The following TBCEL variants were observed in gnomAD, a reference collection of about 807,000 sequenced individuals.
TBCEL encodes the protein tubulin folding cofactor E like, also known as tubulin-specific chaperone cofactor E-like protein.
TBCEL carries 15 observed loss-of-function variants against 44.2 expected under a neutral mutation model. The observed-to-expected ratio is 0.34, with a 90% confidence interval of 0.23 to 0.52. The LOEUF is 0.52. Ranked by LOEUF, TBCEL falls within the 20% of genes least tolerant of loss-of-function variation. The pLI, the probability that TBCEL is intolerant of heterozygous loss-of-function variation, is 0.95. For missense variants in TBCEL, 319 were observed against 506.3 expected (o/e 0.63, Z 3.55); for synonymous variants, 171 against 185.4 (o/e 0.92, Z 0.63).
chr11:121,027,962 T>C (rs1758672258), intron 1 of TBCEL, among the ~76,000 whole-genome samples: 1 of 152,046 alleles, frequency 6.6e-6, no homozygotes, highest in Admixed American at 6.5e-5. Context: ...ATCCCAGCAC[T>C]TTGGGAGGCC....
intron 8 of TBCEL, among the ~76,000 whole-genome samples, chr11:121,080,585 A>C (rs1170618926): frequency 6.6e-6 from 1 of 152,234 alleles, no homozygotes; most frequent in Non-Finnish European, 1.5e-5. Flanking sequence ...AAAATTATGT[A>C]AAATATATAC....
chr11:121,065,767 C>T (rs542684257), intron 8 of TBCEL, among the ~76,000 whole-genome samples: 11 of 152,320 alleles, frequency 7.2e-5, no homozygotes, highest in East Asian at 3.9e-4. Context: ...CTTTTCTCAA[C>T]AGCACTCTCT....
At chr11:121,039,661 G>T (rs570235742) in intron 2 of TBCEL, among the ~76,000 whole-genome samples, 116 of 152,332 alleles carry the variant, frequency 7.6e-4, no homozygotes, top group African/African-American at 2.7e-3. Flanking sequence ...TGTATTTGTT[G>T]TCTGCATTTT....
In TBCEL at chr11:121,087,443, A is replaced by T. The variant is rs993711677; in HGVS notation, c.*347A>T. Reference sequence around the variant, plus strand: ...TGGGTGAACCTGTGAAGATAACATGAACACTGTAGCCCCTTAGAAGGGTCT... The same window carrying T: ...TGGGTGAACCTGTGAAGATAACATGTACACTGTAGCCCCTTAGAAGGGTCT... On this transcript the variant is annotated 3_prime_UTR_variant, in exon 9 of 9. Transcript: ENST00000683345. 2 of 279,500 alleles carry T rather than the reference A, an allele frequency of 7.2e-6. No homozygotes were observed. The highest frequency in any genetic ancestry group is 1.4e-5 in the Non-Finnish European group (2 of 146,708). 17.3% of individuals were successfully genotyped at this position (279,500 alleles called of 1,614,324 possible). A position where few individuals can be genotyped will look rare whatever the true frequency, so the allele number is the denominator to read the frequency against.
chr11:121,051,976 T>C (rs1591394570), intron 4 of TBCEL, among the ~76,000 whole-genome samples: 1 of 151,938 alleles, frequency 6.6e-6, no homozygotes, highest in East Asian at 1.9e-4. Flanking sequence ...CTGGATACTC[T>C]TTTGGCATTA....
At position 121,089,544 on chromosome 11, in the gene TBCEL, C is replaced by CT. The variant is rs1946262614; in HGVS notation, c.*2450dup. 6.6e-6 allele frequency: 1 copy of CT among 152,124 alleles called. No individual in the cohort carries two copies. Among genetic ancestry groups the CT allele is most frequent in the African/African-American group, 2.4e-5 (1 of 41,442 alleles). 9.4% of individuals were successfully genotyped at this position (152,124 alleles called of 1,614,324 possible). A position where few individuals can be genotyped will look rare whatever the true frequency, so the allele number is the denominator to read the frequency against. On this transcript the variant is annotated 3_prime_UTR_variant, in exon 9 of 9. Coordinates refer to ENST00000683345, the MANE Select transcript of TBCEL (RefSeq NM_001363644.2). ...GAAAAAGGCTATTTGAGCATGTGTA[C>CT]TTATAGATTCATTTGGGTGGCTGAG...
chr11:121,083,457 A>G lies in TBCEL; in HGVS notation c.957-3321A>G, dbSNP rs560673452. The stretch of plus-strand genomic sequence containing the variant: ...AAGAGAACACAGCTGGGGAGTGGCA[A>G]TTATTTTTGAACCTATTGATTTTGA... On this transcript the variant is annotated intron_variant, in intron 8 of 8. Transcript: ENST00000683345. Among the ~76,000 whole-genome samples the G allele has an allele frequency of 2.0e-4, 31 of 152,320 alleles. 1 individual carries two copies. In the South Asian group the frequency reaches 6.0e-3, roughly 30 times the overall value.
rs1043081364 is a variant in TBCEL at position 121,088,936 on chromosome 11, T to C, written c.*1840T>C. The C allele has an allele frequency of 3.3e-5, 5 of 152,144 alleles. No homozygotes were observed. The highest frequency in any genetic ancestry group is 7.4e-5 in the Non-Finnish European group (5 of 68,010). 9.4% of individuals were successfully genotyped at this position (152,144 alleles called of 1,614,324 possible). A position where few individuals can be genotyped will look rare whatever the true frequency, so the allele number is the denominator to read the frequency against. On this transcript the variant is annotated 3_prime_UTR_variant, in exon 9 of 9. Coordinates refer to ENST00000683345, the MANE Select transcript of TBCEL (RefSeq NM_001363644.2). Reference sequence around the variant, plus strand: ...CTTTCAAAATCATAAAAATGAGCAATGGAGATCCAGGCTGGGTATAGACAA... The same window carrying C: ...CTTTCAAAATCATAAAAATGAGCAACGGAGATCCAGGCTGGGTATAGACAA...
rs763022789 is a variant in TBCEL, at chr11:121,045,773, C to A, written c.83C>A (p.Pro28Gln). The A allele has an allele frequency of 6.2e-7, 1 of 1,611,258 alleles. No individual in the cohort carries two copies. Among genetic ancestry groups the A allele is most frequent in the Non-Finnish European group, 8.5e-7 (1 of 1,179,014 alleles). The change falls in exon 3 of 9, where the codon CCG becomes CAG. Residue 28 changes from proline to glutamine, a missense_variant. Transcript: ENST00000683345. Reference protein sequence around the residue: ...SPENFPYRRGPGMGVHVPATP... With the variant: ...SPENFPYRRGQGMGVHVPATP... The stretch of plus-strand genomic sequence containing the variant: ...GAAAATTTTCCTTATCGCCGTGGCC[C>A]GGGGATGGGAGTCCATGTCCCAGCC...
At chr11:121,066,792 A>G (rs1044883225) in intron 8 of TBCEL, among the ~76,000 whole-genome samples, 2 of 152,198 alleles carry the variant, frequency 1.3e-5, no homozygotes, top group African/African-American at 4.8e-5. Flanking sequence ...TAAAATGTCA[A>G]TGAATAGCAC....
chr11:121,030,779 G>A (rs1420459720), intron 1 of TBCEL, among the ~76,000 whole-genome samples: 1 of 151,632 alleles, frequency 6.6e-6, no homozygotes, highest in Non-Finnish European at 1.5e-5. Flanking sequence ...TACAGTTTTT[G>A]CCATATATGT....
Position 121,086,991 on chromosome 11 carries a change from T to G in TBCEL, c.1170T>G (p.His390Gln). Reference sequence around the variant, plus strand: ...ACATGCTTCTCTACTATTTTGACCATGAAGCACCCTTTGGCCCAGAGGAAA... The same window carrying G: ...ACATGCTTCTCTACTATTTTGACCAGGAAGCACCCTTTGGCCCAGAGGAAA... ...TSNMLLYYFD[H>Q]EAPFGPEEMK... The change falls in exon 9 of 9, where the codon CAT becomes CAG. Residue 390 changes from histidine to glutamine, a missense_variant. By Grantham distance (24) the His-to-Gln change is conservative (BLOSUM62 0). Transcript: ENST00000683345. 1 of 1,614,100 alleles carries G rather than the reference T, an allele frequency of 6.2e-7. No individual in the cohort carries two copies. The highest frequency in any genetic ancestry group is 8.5e-7 in the Non-Finnish European group (1 of 1,179,996).
At chr11:121,034,217 A>G (rs945367573) in intron 1 of TBCEL, among the ~76,000 whole-genome samples, 46 of 152,180 alleles carry the variant, frequency 3.0e-4, no homozygotes, top group African/African-American at 1.1e-3. Context: ...TCCTACCAGC[A>G]GTGCACATAT....
At chr11:121,025,818 G>T (rs938940206) in intron 1 of TBCEL, among the ~76,000 whole-genome samples, 3 of 151,458 alleles carry the variant, frequency 2.0e-5, no homozygotes, top group Non-Finnish European at 4.4e-5. Context: ...TAGCATATTT[G>T]ACCTGTGTTT....
chr11:121,087,872 G>A lies in TBCEL; in HGVS notation c.*776G>A, dbSNP rs537202996. 6.6e-6 allele frequency: 1 copy of A among 152,250 alleles called. No individual in the cohort carries two copies. Among genetic ancestry groups the A allele is most frequent in the East Asian group, 1.9e-4 (1 of 5,184 alleles). The allele number at this position is 152,250 out of a possible 1,614,324, so 9.4% of individuals were successfully genotyped here. ...TGTATGTTACTAACTCACTTTTAAT[G>A]TCCCTGTACATTATGTCAGCCATTA... On this transcript the variant is annotated 3_prime_UTR_variant, in exon 9 of 9. Transcript: ENST00000683345.
chr11:121,080,673 A>C (rs1323883398), intron 8 of TBCEL, among the ~76,000 whole-genome samples: 1 of 152,210 alleles, frequency 6.6e-6, no homozygotes, highest in African/African-American at 2.4e-5. Context: ...AGGTTTTATA[A>C]TAAATAGAAA....
At chr11:121,048,403 A>G (rs1055964127) in intron 4 of TBCEL, among the ~76,000 whole-genome samples, 1 of 151,940 alleles carries the variant, frequency 6.6e-6, no homozygotes, top group African/African-American at 2.4e-5. Context: ...GTTTTGTAAC[A>G]TTCTCTTATT....
At chr11:121,034,451 G>A (rs1473139311) in intron 1 of TBCEL, among the ~76,000 whole-genome samples, 4 of 152,102 alleles carry the variant, frequency 2.6e-5, no homozygotes, top group African/African-American at 9.7e-5. Context: ...ATACAATTAT[G>A]TATTCTAGCC....
chr11:121,028,968 A>G (rs1444568311), intron 1 of TBCEL, among the ~76,000 whole-genome samples: 1 of 152,118 alleles, frequency 6.6e-6, no homozygotes, highest in Non-Finnish European at 1.5e-5. Context: ...TTAGCCCCTT[A>G]CCATCTGGCC....
Sources: allele counts gnomAD v4.1 joint callset (sites outside exome capture counted in the v4.1 genomes callset), GRCh38; gene constraint gnomAD v4.1.1; transcripts MANE v1.5; gene names NCBI Gene and HGNC (gene_info 2026-07-23, HGNC 2026-07-21).